The following FGF14 variants were observed in gnomAD, a reference collection of about 807,000 sequenced individuals.
The protein encoded by FGF14 is fibroblast growth factor homologous factor 4.
In FGF14, 5 loss-of-function variants were observed where a neutral mutation model predicts 25.5. That is an observed-to-expected ratio of 0.20 (90% CI 0.10 to 0.41). FGF14 has a LOEUF of 0.41. Among genes scored for constraint, FGF14 ranks in the 10% least tolerant of loss-of-function variants. FGF14 has a pLI of 1.00. For synonymous variants in FGF14, 138 were observed against 118.3 expected (o/e 1.17, Z -1.08); for missense variants, 222 against 320.1 (o/e 0.69, Z 2.34).
chr13:102,378,352 A>G (rs550200334), intron 1 of FGF14, among the ~76,000 whole-genome samples: 40 of 152,318 alleles, frequency 2.6e-4, no homozygotes, highest in African/African-American at 9.6e-4. Flanking sequence ...TGTAAACCAA[A>G]AACTGCTCCA....
chr13:102,100,102 G>A (rs554642748), intron 1 of FGF14, among the ~76,000 whole-genome samples: 4 of 152,062 alleles, frequency 2.6e-5, no homozygotes, highest in African/African-American at 9.7e-5. Context: ...ACAAAAGTAC[G>A]GTATGATGCC....
chr13:101,802,214 C>A, intron 3 of FGF14: 1 of 257,272 alleles, frequency 3.9e-6, no homozygotes, highest in Non-Finnish European at 7.8e-6. Context: ...CAAATCCTGG[C>A]ATCCGTGGCA....
At chr13:101,784,860 A>G (rs2039711979) in intron 3 of FGF14, among the ~76,000 whole-genome samples, 1 of 152,176 alleles carries the variant, frequency 6.6e-6, no homozygotes. Flanking sequence ...TGCATACGCA[A>G]TCTATGGGAT....
chr13:102,185,984 T>G (rs2048858649), intron 1 of FGF14, among the ~76,000 whole-genome samples: 1 of 152,158 alleles, frequency 6.6e-6, no homozygotes, highest in Non-Finnish European at 1.5e-5. Context: ...AAAATAATAA[T>G]AATAAAAGTA....
intron 1 of FGF14, among the ~76,000 whole-genome samples, chr13:102,225,413 G>A (rs1427086396): frequency 3.9e-5 from 6 of 152,110 alleles, no homozygotes; most frequent in Admixed American, 3.9e-4. Context: ...CTCCGGACAG[G>A]CTAATTATTT....
In FGF14 at chr13:101,722,881, A is replaced by G. The variant is rs1291116528; in HGVS notation, c.694T>C (p.Ser232Pro). The change falls in exon 5 of 5, where the codon TCT becomes CCT. Residue 232 changes from serine to proline, a missense_variant. This residue lies in a region of FGF14 where 66 missense variants were observed against 90.3 expected (regional missense o/e 0.73). Coordinates refer to ENST00000376143, the MANE Select transcript of FGF14 (RefSeq NM_004115.4). ...GGTTTGCCTCCATTCATTATTGCAG[A>G]CGCACTTGTGCTTTTACTTGGCGTC... is the stretch of plus-strand genomic sequence containing the variant. ...GVTPSKSTSA[S>P]AIMNGGKPVN... 1 of 1,613,200 alleles carries G rather than the reference A, an allele frequency of 6.2e-7. No homozygotes were observed. Among genetic ancestry groups the G allele is most frequent in the East Asian group, 2.2e-5 (1 of 44,848 alleles).
chr13:101,996,705 T>C (rs1439688657), intron 1 of FGF14, among the ~76,000 whole-genome samples: 2 of 152,116 alleles, frequency 1.3e-5, no homozygotes, highest in Non-Finnish European at 2.9e-5. Flanking sequence ...TAGGAATTGG[T>C]GGTCAGTAAA....
At chr13:101,977,044 G>A (rs899893179) in intron 1 of FGF14, among the ~76,000 whole-genome samples, 3 of 152,140 alleles carry the variant, frequency 2.0e-5, no homozygotes, top group Admixed American at 1.3e-4. Context: ...CATTTGATAT[G>A]CAGTTTCTTT....
At chr13:102,391,688 C>T (rs1285858630) in intron 1 of FGF14, among the ~76,000 whole-genome samples, 1 of 152,160 alleles carries the variant, frequency 6.6e-6, no homozygotes, top group Non-Finnish European at 1.5e-5. Context: ...GAAAACATCA[C>T]TTCTCAGGAA....
chr13:101,973,182 G>A (rs565319335), intron 1 of FGF14, among the ~76,000 whole-genome samples: 6 of 148,222 alleles, frequency 4.0e-5, no homozygotes, highest in Admixed American at 2.7e-4. Flanking sequence ...CATTGAACCA[G>A]CTGGTTTGGT....
At chr13:102,319,073 G>C (rs1385166747) in intron 1 of FGF14, among the ~76,000 whole-genome samples, 1 of 152,178 alleles carries the variant, frequency 6.6e-6, no homozygotes, top group African/African-American at 2.4e-5. Flanking sequence ...GGCACTCCTT[G>C]CTGTCTGATC....
intron 1 of FGF14, among the ~76,000 whole-genome samples, chr13:102,384,351 T>G (rs2058253951): frequency 6.6e-6 from 1 of 152,180 alleles, no homozygotes; most frequent in Admixed American, 6.5e-5. Flanking sequence ...AAGGTAAAAC[T>G]CTCAGATTTC....
intron 1 of FGF14, among the ~76,000 whole-genome samples, chr13:102,139,335 G>A (rs1362959844): frequency 1.3e-5 from 2 of 152,030 alleles, no homozygotes; most frequent in East Asian, 3.9e-4. Context: ...AGGAGGCAGA[G>A]GTTACAGTGA....
intron 1 of FGF14, among the ~76,000 whole-genome samples, chr13:102,290,950 A>G (rs2054359580): frequency 6.6e-6 from 1 of 152,192 alleles, no homozygotes. Context: ...TATAGTTTGA[A>G]TTGTTCTTTA....
At chr13:102,154,446 C>T (rs1452973454) in intron 1 of FGF14, among the ~76,000 whole-genome samples, 1 of 152,034 alleles carries the variant, frequency 6.6e-6, no homozygotes, top group East Asian at 1.9e-4. Context: ...AAATAAAATA[C>T]TTTACAGACA....
intron 1 of FGF14, among the ~76,000 whole-genome samples, chr13:102,317,055 G>A (rs906515759): frequency 2.0e-5 from 3 of 151,492 alleles, no homozygotes; most frequent in East Asian, 1.9e-4. Flanking sequence ...ATTCCATCAC[G>A]TACCTTCTCA....
At chr13:102,260,334 C>CTT (rs200158910) in intron 1 of FGF14, among the ~76,000 whole-genome samples, 1 of 152,024 alleles carries the variant, frequency 6.6e-6, no homozygotes, top group Non-Finnish European at 1.5e-5. Context: ...CCCAACCACG[C>CTT]TTTTTTTTAC....
intron 1 of FGF14, among the ~76,000 whole-genome samples, chr13:102,350,214 T>C (rs896181786): frequency 6.6e-6 from 1 of 151,838 alleles, no homozygotes; most frequent in Non-Finnish European, 1.5e-5. Context: ...ACAAAAAAAT[T>C]AAAAAATTAG....
chr13:102,273,220 C>G (rs551790399), intron 1 of FGF14, among the ~76,000 whole-genome samples: 1 of 152,258 alleles, frequency 6.6e-6, no homozygotes, highest in South Asian at 2.1e-4. Flanking sequence ...TGGACAGGGA[C>G]ACTAAAAAAT....
Sources: allele counts gnomAD v4.1 joint callset (sites outside exome capture counted in the v4.1 genomes callset), GRCh38; gene constraint gnomAD v4.1.1; regional missense constraint gnomAD v4.1.1; transcripts MANE v1.5; gene names NCBI Gene and HGNC (gene_info 2026-07-23, HGNC 2026-07-21).